The following FBXW8 variants were observed in gnomAD, a reference collection of about 807,000 sequenced individuals.
FBXW8 encodes F-box and WD repeat domain containing 8, also known as F-box/WD repeat-containing protein 8.
A neutral mutation model predicts 65.3 loss-of-function variants in FBXW8; 57 were observed. The observed-to-expected ratio is 0.87, with a 90% CI of 0.71 to 1.09. The LOEUF is 1.09. FBXW8 is among the 50% of genes least tolerant of loss of function. FBXW8 has a pLI of 0.00. For missense variants in FBXW8, 777 were observed against 814.8 expected, an observed-to-expected ratio of 0.95 and a Z score of 0.57; for synonymous variants, 308 against 330.2, an observed-to-expected ratio of 0.93 and a Z score of 0.73.
intron 7 of FBXW8, among the ~76,000 whole-genome samples, chr12:117,002,203 C>T (rs1444938333): frequency 2.0e-5 from 3 of 152,228 alleles, no homozygotes; most frequent in East Asian, 1.9e-4. Context: ...CCTGGAACAG[C>T]GGGGGTTGCA....
intron 7 of FBXW8, among the ~76,000 whole-genome samples, chr12:117,004,249 CCTA>C (rs1953620379): frequency 1.3e-5 from 2 of 152,200 alleles, no homozygotes; most frequent in Non-Finnish European, 2.9e-5. Flanking sequence ...AATCCGATTT[CCTA>C]CTTTTTATCC....
intron 5 of FBXW8, among the ~76,000 whole-genome samples, chr12:116,975,834 T>TA (rs1190171884): frequency 1.3e-5 from 2 of 152,174 alleles, no homozygotes; most frequent in Non-Finnish European, 2.9e-5. Context: ...AATGACTGAG[T>TA]AATTGCCCCA....
At chr12:116,924,771 T>C (rs1016279170) in intron 1 of FBXW8, among the ~76,000 whole-genome samples, 1 of 152,182 alleles carries the variant, frequency 6.6e-6, no homozygotes, top group African/African-American at 2.4e-5. Flanking sequence ...TCATGCACAC[T>C]AATAAAAGAG....
intron 2 of FBXW8, among the ~76,000 whole-genome samples, chr12:116,943,102 C>T (rs1038539465): frequency 1.3e-5 from 2 of 152,048 alleles, no homozygotes; most frequent in Non-Finnish European, 2.9e-5. Context: ...CATTGTTCTT[C>T]TACTTTCTTT....
At position 116,936,349 on chromosome 12, in the gene FBXW8, T is replaced by G. The variant is rs940768558; in HGVS notation, c.423+8222T>G. Among the ~76,000 whole-genome samples, 2 of 152,180 alleles carry G rather than the reference T, an allele frequency of 1.3e-5. No homozygotes were observed. The highest frequency in any genetic ancestry group is 2.9e-5 in the Non-Finnish European group (2 of 68,030). On this transcript the variant is annotated intron_variant, in intron 2 of 10. Transcript: ENST00000652555. This position sits in a 1 kb window ranked among gnomAD's most constrained non-coding sequence, Gnocchi z 4.6. The stretch of plus-strand genomic sequence containing the variant: ...GTTGTCGTACGCTGAATAATGGCCC[T>G]CCCAAATATGCTGACGTCCTAATCC...
chr12:117,023,223 C>G (rs777331193), intron 8 of FBXW8, among the ~76,000 whole-genome samples: 1 of 152,154 alleles, frequency 6.6e-6, no homozygotes, highest in East Asian at 1.9e-4. Context: ...AGAATCCTGT[C>G]GCTCCACAGC....
At position 116,944,721 on chromosome 12, in the gene FBXW8, GT is replaced by G. The variant is rs549301478; in HGVS notation, c.424-641del. Among the ~76,000 whole-genome samples, 315 of 152,322 alleles carry G rather than the reference GT, an allele frequency of 2.1e-3. 1 individual carries two copies. Among genetic ancestry groups the G allele is most frequent in the Admixed American group, 5.3e-3 (81 of 15,306 alleles). ...AGTGTTGGAAAACAAAATGCTAATAGTTAAAATGGCCATTTCCTCTGGATAC... is the reference window on the plus strand; with the variant it reads ...AGTGTTGGAAAACAAAATGCTAATAGTAAAATGGCCATTTCCTCTGGATAC... On this transcript the variant is annotated intron_variant, in intron 2 of 10. Transcript: ENST00000652555.
At chr12:116,948,945 G>C (rs889728790) in intron 3 of FBXW8, 1 of 152,178 alleles carries the variant, frequency 6.6e-6, no homozygotes, top group Non-Finnish European at 1.5e-5. Context: ...TGCAGAGATG[G>C]GGTCTCCCTG....
rs563264722 is a variant in FBXW8, at chr12:116,964,678, G to A, written c.678-19G>A. 6.4e-5 allele frequency: 103 copies of A among 1,613,284 alleles called. No individual in the cohort carries two copies. The South Asian group carries it at 1.0e-3, about 16-fold the overall frequency. On this transcript the variant is annotated intron_variant, in intron 4 of 10. Coordinates refer to ENST00000652555, the MANE Select transcript of FBXW8 (RefSeq NM_153348.3). ...CTCTTCAATCTCCTTTTGGAACCAA[G>A]TGTGTCGTTCTCTTCCAGATATACA... is the stretch of plus-strand genomic sequence containing the variant.
chr12:116,975,583 T>C (rs1029400170), intron 5 of FBXW8, among the ~76,000 whole-genome samples: 2 of 152,106 alleles, frequency 1.3e-5, no homozygotes, highest in African/African-American at 4.8e-5. Flanking sequence ...AAATTATCAC[T>C]CCGTAAGAGA....
chr12:116,985,303 T>C lies in FBXW8; in HGVS notation c.933T>C (p.Asp311=), dbSNP rs139927035. Residue 311 remains aspartate, a synonymous_variant, in exon 6 of 11, where the codon GAT becomes GAC. Transcript: ENST00000652555. ...RIQALALSQD[D]ATVATASAFD... is the part of the protein sequence containing the mutation. Reference sequence around the variant, plus strand: ...AGGCACTAGCCCTCAGCCAGGACGATGCAACCGTGGCCACAGCTTCTGCTT... The same window carrying C: ...AGGCACTAGCCCTCAGCCAGGACGACGCAACCGTGGCCACAGCTTCTGCTT... 83 of 1,614,112 alleles carry C rather than the reference T, an allele frequency of 5.1e-5. No individual in the cohort carries two copies. The highest frequency in any genetic ancestry group is 4.9e-4 in the African/African-American group (37 of 74,942).
rs746076298 is a variant in FBXW8, at chr12:116,988,864, A to G, written c.1234A>G (p.Ser412Gly). 3 of 1,613,748 alleles carry G rather than the reference A, an allele frequency of 1.9e-6. No homozygotes were observed. In the South Asian group the frequency reaches 3.3e-5, roughly 18 times the overall value. Residue 412 changes from serine (S) to glycine (G), a missense_variant, in exon 7 of 11, where the codon AGC becomes GGC. By Grantham distance (56) the Ser-to-Gly change is moderately conservative. Coordinates refer to ENST00000652555, the MANE Select transcript of FBXW8 (RefSeq NM_153348.3). Reference protein sequence around the residue: ...VQGLGWVYEGSKILVYSLEAG... With the variant: ...VQGLGWVYEGGKILVYSLEAG... ...GGGTCTGGGATGGGTGTACGAAGGA[A>G]GCAAGGTACACAACTAGCAAGATAT...
intron 3 of FBXW8, 123 bp from the exon 4 acceptor site, chr12:116,949,495 T>TGTCCA (rs1883130900): frequency 8.7e-6 from 7 of 800,522 alleles, no homozygotes; most frequent in Non-Finnish European, 1.5e-5. Flanking sequence ...CCATGGAACT[T>TGTCCA]TGAATGCACT....
intron 1 of FBXW8, among the ~76,000 whole-genome samples, chr12:116,923,246 AGG>A (rs1024296402): frequency 6.6e-6 from 1 of 151,790 alleles, no homozygotes; most frequent in African/African-American, 2.4e-5. Context: ...CTGGAAATTC[AGG>A]GCAGTAGGTC....
intron 8 of FBXW8, among the ~76,000 whole-genome samples, chr12:117,014,365 A>G (rs1376205075): frequency 6.6e-6 from 1 of 152,230 alleles, no homozygotes; most frequent in Non-Finnish European, 1.5e-5. Context: ...CTCGTGGAAT[A>G]TAGCTACAAC....
chr12:117,025,530 G>A (rs1185424622), intron 9 of FBXW8, among the ~76,000 whole-genome samples: 1 of 152,204 alleles, frequency 6.6e-6, no homozygotes, highest in African/African-American at 2.4e-5. Context: ...AATTTGACAG[G>A]TGTCTCCAAG....
chr12:116,975,532 A>G (rs1884871149), intron 5 of FBXW8, among the ~76,000 whole-genome samples: 1 of 152,228 alleles, frequency 6.6e-6, no homozygotes, highest in Non-Finnish European at 1.5e-5. Flanking sequence ...GGGACACAAC[A>G]TTCAGATGAG....
At chr12:116,976,402 T>A (rs1169285401) in intron 5 of FBXW8, among the ~76,000 whole-genome samples, 3 of 144,496 alleles carry the variant, frequency 2.1e-5, no homozygotes, top group Admixed American at 7.0e-5. Context: ...AAAAAAAAAA[T>A]GCATGATGAT....
intron 2 of FBXW8, among the ~76,000 whole-genome samples, chr12:116,941,880 C>G (rs36098273): frequency 0.12 from 17,639 of 152,104 alleles, 1,409 homozygotes; most frequent in Admixed American, 0.22. Flanking sequence ...TTAAAATAAT[C>G]TAGTTTGGAT....
Sources: gnomAD v4.1 joint callset for allele counts (sites outside exome capture counted in the v4.1 genomes callset) on GRCh38, gnomAD v4.1.1 for gene constraint, Gnocchi (gnomAD v3.1) non-coding constraint, MANE v1.5 for transcripts, NCBI Gene and HGNC (gene_info 2026-07-23, HGNC 2026-07-21) for gene names.